Variants in DIPK1A observed in about 807,000 individuals in gnomAD.
The protein encoded by DIPK1A is divergent protein kinase domain 1A.
DIPK1A carries 27 observed loss-of-function variants against 40.8 expected under a neutral mutation model. That is an observed-to-expected ratio of 0.66 (90% CI 0.49 to 0.91). The LOEUF is 0.91. Among genes scored for constraint, DIPK1A ranks in the 40% least tolerant of loss-of-function variants. The pLI is 0.00. For missense variants in DIPK1A, 412 were observed against 505.7 expected, an observed-to-expected ratio of 0.81 and a Z score of 1.78; for synonymous variants, 166 against 171.3, an observed-to-expected ratio of 0.97 and a Z score of 0.24.
chr1:92,851,029 C>T, intron 2 of DIPK1A, 74 bp from the exon 3 acceptor site: 1 of 911,952 alleles, frequency 1.1e-6, no homozygotes, highest in Non-Finnish European at 1.7e-6. Flanking sequence ...ATATCTATAT[C>T]CTTTATGAGT....
At position 92,914,088 on chromosome 1, in the gene DIPK1A, T is replaced by C. The variant is rs150717827; in HGVS notation, c.55-37658A>G. Among the ~76,000 whole-genome samples, 299 of 151,918 alleles carry C rather than the reference T, an allele frequency of 2.0e-3. 1 individual carries two copies. The highest frequency in any genetic ancestry group is 7.0e-3 in the African/African-American group (290 of 41,402). Reference sequence around the variant, plus strand: ...TTCTCAGTTGTCTCTCTCTCTGACATCCAATTTGGGACAGGAAAGGAACTA... The same window carrying C: ...TTCTCAGTTGTCTCTCTCTCTGACACCCAATTTGGGACAGGAAAGGAACTA... On this transcript the variant is annotated intron_variant, in intron 1 of 4. Coordinates refer to ENST00000370310, the MANE Select transcript of DIPK1A (RefSeq NM_001006605.5).
At chr1:92,954,066 T>C (rs1651743567) in intron 1 of DIPK1A, among the ~76,000 whole-genome samples, 1 of 152,184 alleles carries the variant, frequency 6.6e-6, no homozygotes, top group Non-Finnish European at 1.5e-5. Flanking sequence ...ATATTTTGGG[T>C]TATTAAAACA....
rs569030190 is a variant in DIPK1A at position 92,881,041 on chromosome 1, C to T, written c.55-4611G>A. On this transcript the variant is annotated intron_variant, in intron 1 of 4. Coordinates refer to ENST00000370310, the MANE Select transcript of DIPK1A (RefSeq NM_001006605.5). ...CCATAAAATTAGCTGGGTGTGGTGG[C>T]GGGAGCCTGTAATCACAGCTACTCG... Among the ~76,000 whole-genome samples the T allele has an allele frequency of 5.3e-5, 8 of 150,680 alleles. No homozygotes were observed. The East Asian group carries it at 1.2e-3, about 22-fold the overall frequency.
Position 92,843,882 on chromosome 1 carries a change from G to C in DIPK1A, c.788C>G (p.Pro263Arg). The change falls in exon 5 of 5, where the codon CCA (proline) becomes CGA (arginine). Residue 263 changes from proline (P) to arginine (R), a missense_variant. Coordinates refer to ENST00000370310, the MANE Select transcript of DIPK1A (RefSeq NM_001006605.5). ...FRRSMDQLFT[P>R]SWPRKAKIAI... is the part of the protein sequence containing the mutation. Reference sequence around the variant, plus strand: ...TATTTTGGCCTTTCTTGGCCATGATGGTGTGAACAGCTGATCCATGCTTCT... The same window carrying C: ...TATTTTGGCCTTTCTTGGCCATGATCGTGTGAACAGCTGATCCATGCTTCT... 1 of 1,551,636 alleles carries C rather than the reference G, an allele frequency of 6.4e-7. No individual in the cohort carries two copies. The highest frequency in any genetic ancestry group is 1.2e-5 in the South Asian group (1 of 84,058).
chr1:92,838,159 T>G (rs1426424410), downstream of DIPK1A, among the ~76,000 whole-genome samples: 2 of 152,216 alleles, frequency 1.3e-5, no homozygotes, highest in Non-Finnish European at 2.9e-5. Flanking sequence ...AGCTTCTATT[T>G]TGGCATAGCT....
At chr1:92,912,986 C>T (rs1372575832) in intron 1 of DIPK1A, among the ~76,000 whole-genome samples, 1 of 151,838 alleles carries the variant, frequency 6.6e-6, no homozygotes, top group Non-Finnish European at 1.5e-5. Flanking sequence ...CATCTGTATA[C>T]CCAGGTACTC....
chr1:92,940,900 A>C (rs1651125577), intron 1 of DIPK1A, among the ~76,000 whole-genome samples: 1 of 152,040 alleles, frequency 6.6e-6, no homozygotes, highest in African/African-American at 2.4e-5. Flanking sequence ...ATCTGTGTTT[A>C]CTTGCCATCT....
At chr1:92,872,077 T>C (rs2100767927) in intron 2 of DIPK1A, among the ~76,000 whole-genome samples, 1 of 110,966 alleles carries the variant, frequency 9.0e-6, no homozygotes, top group East Asian at 2.3e-4. Flanking sequence ...ATCTTTTTTT[T>C]TTTTTTTTTT....
intron 1 of DIPK1A, among the ~76,000 whole-genome samples, chr1:92,954,797 A>G (rs532901004): frequency 9.7e-4 from 148 of 152,360 alleles, no homozygotes; most frequent in African/African-American, 3.4e-3. Flanking sequence ...ACTGCTACAA[A>G]AAAAGAAAAC....
At chr1:92,842,166 A>G, downstream of DIPK1A, 2 of 1,033,994 alleles carry the variant, frequency 1.9e-6, no homozygotes, top group South Asian at 3.8e-5. Flanking sequence ...TCAGTGGGAA[A>G]TATTTCTTCC....
At chr1:92,886,204 C>T (rs1465812411) in intron 1 of DIPK1A, among the ~76,000 whole-genome samples, 1 of 151,890 alleles carries the variant, frequency 6.6e-6, no homozygotes, top group African/African-American at 2.4e-5. Flanking sequence ...CGGTGGCTTG[C>T]ACCTGTAGTC....
intron 1 of DIPK1A, chr1:92,933,258 G>A (rs1650828062): frequency 6.6e-6 from 1 of 152,072 alleles, no homozygotes; most frequent in East Asian, 1.9e-4. Context: ...AAAATCAACA[G>A]AACTAAAACT....
chr1:92,891,195 T>A (rs897093582), intron 1 of DIPK1A, among the ~76,000 whole-genome samples: 14 of 152,134 alleles, frequency 9.2e-5, no homozygotes, highest in African/African-American at 3.1e-4. Context: ...TTTTATTTAT[T>A]TAGGTATTTT....
intron 1 of DIPK1A, among the ~76,000 whole-genome samples, chr1:92,919,393 T>C (rs1650187141): frequency 6.6e-6 from 1 of 152,184 alleles, no homozygotes; most frequent in African/African-American, 2.4e-5. Flanking sequence ...AATACCAAAG[T>C]ACTTATTGTT....
At chr1:92,932,032 G>A in intron 1 of DIPK1A, 1 of 543,628 alleles carries the variant, frequency 1.8e-6, no homozygotes. Context: ...ATTTGGGTTT[G>A]AAGAAAATAA....
At chr1:92,870,075 TACAC>T (rs3221733) in intron 2 of DIPK1A, among the ~76,000 whole-genome samples, 3,319 of 66,418 alleles carry the variant, frequency 0.05, 122 homozygotes, top group African/African-American at 0.11. Flanking sequence ...GAATTATATA[TACAC>T]ACACACACAC....
chr1:92,862,608 T>A (rs1440001211), intron 2 of DIPK1A, among the ~76,000 whole-genome samples: 1 of 152,200 alleles, frequency 6.6e-6, no homozygotes, highest in Non-Finnish European at 1.5e-5. Context: ...TCCTGTCTAA[T>A]CCACCCTCTC....
At chr1:92,937,575 G>A (rs1324128902) in intron 1 of DIPK1A, among the ~76,000 whole-genome samples, 1 of 152,162 alleles carries the variant, frequency 6.6e-6, no homozygotes, top group Admixed American at 6.5e-5. Flanking sequence ...CATTCTAGTG[G>A]TGAATGAACC....
chr1:92,849,924 G>A (rs1368577563), intron 3 of DIPK1A, among the ~76,000 whole-genome samples: 5 of 152,040 alleles, frequency 3.3e-5, no homozygotes, highest in Non-Finnish European at 7.4e-5. Context: ...CTGAAGTGCT[G>A]GGATTACAGG....
Sources: allele counts gnomAD v4.1 joint callset (sites outside exome capture counted in the v4.1 genomes callset), GRCh38; gene constraint gnomAD v4.1.1; transcripts MANE v1.5; gene names NCBI Gene and HGNC (gene_info 2026-07-23, HGNC 2026-07-21).